DNM3: variants seen among roughly 807,000 people sequenced by gnomAD.
The protein encoded by DNM3 is dynamin 3.
Under a neutral mutation model 101.6 loss-of-function variants are expected in DNM3, and 47 were observed. The ratio of observed to expected loss-of-function variants is 0.46; its 90% CI spans 0.37 to 0.59. The LOEUF (loss-of-function observed/expected upper bound fraction) is 0.59. Among genes scored for constraint, DNM3 ranks in the 20% least tolerant of loss-of-function variants. The pLI, the probability that DNM3 is intolerant of heterozygous loss-of-function variation, is 0.00. For missense variants in DNM3, 849 were observed against 1,085.7 expected (o/e 0.78, Z 3.06); for synonymous variants, 385 against 387.9 (o/e 0.99, Z 0.09).
At chr1:172,405,409 G>A (rs975470152) in intron 20 of DNM3, among the ~76,000 whole-genome samples, 6 of 151,950 alleles carry the variant, frequency 3.9e-5, no homozygotes, top group Admixed American at 6.6e-5. Context: ...GAAGGCAGAG[G>A]AAGTCAGGAA....
chr1:172,372,738 C>T (rs1008774167), intron 17 of DNM3, among the ~76,000 whole-genome samples: 2 of 125,034 alleles, frequency 1.6e-5, no homozygotes, highest in African/African-American at 3.1e-5. Context: ...GGCTGAAGTG[C>T]AGTGGTGTGA....
chr1:172,020,068 G>C (rs1256551706), intron 4 of DNM3, among the ~76,000 whole-genome samples: 1 of 152,036 alleles, frequency 6.6e-6, no homozygotes, highest in Non-Finnish European at 1.5e-5. Context: ...GGCAGACTGG[G>C]TGCTATATGA....
At chr1:172,327,726 A>G (rs2065996666) in intron 17 of DNM3, among the ~76,000 whole-genome samples, 1 of 152,106 alleles carries the variant, frequency 6.6e-6, no homozygotes, top group Non-Finnish European at 1.5e-5. Context: ...TCTAAGGAAC[A>G]CCGTCCCCCA....
chr1:171,914,992 G>A (rs931826306), intron 1 of DNM3, among the ~76,000 whole-genome samples: 2 of 152,098 alleles, frequency 1.3e-5, no homozygotes, highest in African/African-American at 4.8e-5. Context: ...TAGGGGGATA[G>A]GGATGTGCCT....
intron 17 of DNM3, among the ~76,000 whole-genome samples, chr1:172,333,370 G>A (rs1032356588): frequency 6.6e-6 from 1 of 152,188 alleles, no homozygotes; most frequent in Admixed American, 6.5e-5. Flanking sequence ...GTGAGCATAT[G>A]CCTAGACCCA....
At chr1:172,018,321 G>A (rs145205916) in intron 4 of DNM3, among the ~76,000 whole-genome samples, 1 of 152,008 alleles carries the variant, frequency 6.6e-6, no homozygotes, top group African/African-American at 2.4e-5. Context: ...CTTTAGTTGA[G>A]CATTTTATGT....
chr1:172,144,178 C>A lies in DNM3; in HGVS notation c.1659+12890C>A, dbSNP rs549099898. ...TTAAGAAAACACTTGAATTATCAAT[C>A]TTCAGAAATAAAAAAAAAAAAAACA... On this transcript the variant is annotated intron_variant, in intron 14 of 20. Transcript: ENST00000627582. 2.2e-3 allele frequency among the ~76,000 whole-genome samples: 311 copies of A among 143,266 alleles called. 2 individuals are homozygous for A. The highest frequency in any genetic ancestry group is 7.4e-3 in the African/African-American group (301 of 40,432). 94.0% of individuals were successfully genotyped at this position (143,266 alleles called of 152,430 possible).
At chr1:171,946,182 C>T (rs1249371302) in intron 2 of DNM3, among the ~76,000 whole-genome samples, 2 of 152,134 alleles carry the variant, frequency 1.3e-5, no homozygotes, top group Non-Finnish European at 2.9e-5. Context: ...GTTGGGGAGG[C>T]AAAACTTTTT....
intron 2 of DNM3, among the ~76,000 whole-genome samples, chr1:171,953,979 T>C (rs1463835216): frequency 6.6e-6 from 1 of 152,178 alleles, no homozygotes; most frequent in Non-Finnish European, 1.5e-5. Flanking sequence ...GTAAAGCTGT[T>C]AAAGCATGAC....
intron 15 of DNM3, among the ~76,000 whole-genome samples, chr1:172,261,396 G>T (rs1198061590): frequency 6.6e-6 from 1 of 152,186 alleles, no homozygotes; most frequent in Non-Finnish European, 1.5e-5. Context: ...CAGCATCAGT[G>T]GTGTCTGAGA....
intron 2 of DNM3, among the ~76,000 whole-genome samples, chr1:171,962,516 C>T (rs1435640488): frequency 2.0e-5 from 3 of 152,110 alleles, no homozygotes; most frequent in African/African-American, 4.8e-5. Flanking sequence ...AAACAACAGA[C>T]ATTTATTTCT....
chr1:171,968,019 C>T (rs1189532264), intron 2 of DNM3, among the ~76,000 whole-genome samples: 3 of 152,158 alleles, frequency 2.0e-5, no homozygotes, highest in African/African-American at 7.2e-5. Context: ...AGCAAACCTT[C>T]AGTGGGCACA....
rs116737137 is a variant in DNM3, at chr1:172,071,142, G to T, written c.1422+2237G>T. On this transcript the variant is annotated intron_variant, in intron 11 of 20. Transcript: ENST00000627582. ...ATATCTTAGTTCTTAATTAATTTTA[G>T]TTGTTTTTGTTGTTATTCCCAAAGA... Among the ~76,000 whole-genome samples, 505 of 119,324 alleles carry T rather than the reference G, an allele frequency of 4.2e-3. 5 individuals carry two copies. Among genetic ancestry groups the T allele is most frequent in the African/African-American group, 0.016 (469 of 29,210 alleles). 78.3% of individuals were successfully genotyped at this position (119,324 alleles called of 152,430 possible).
chr1:172,127,347 G>A (rs573471851), intron 13 of DNM3, among the ~76,000 whole-genome samples: 2 of 150,940 alleles, frequency 1.3e-5, no homozygotes, highest in Admixed American at 6.6e-5. Flanking sequence ...CTTTGTCCTT[G>A]TATCCTCTTT....
In DNM3 at chr1:172,378,990, A is replaced by G. The variant is rs1268487864; in HGVS notation, c.1894-28A>G. The G allele has an allele frequency of 2.5e-6, 4 of 1,600,916 alleles. No individual in the cohort carries two copies. In the Admixed American group the frequency reaches 6.9e-5, roughly 28 times the overall value. On this transcript the variant is annotated intron_variant, in intron 17 of 20. Transcript: ENST00000627582. The stretch of plus-strand genomic sequence containing the variant: ...TTTTCTTCTGAGTGAATATGAGATA[A>G]TCCATGGTTTGTTTTCTCTTCTTTT...
At chr1:171,999,452 C>A (rs1475336298) in intron 4 of DNM3, among the ~76,000 whole-genome samples, 2 of 152,078 alleles carry the variant, frequency 1.3e-5, no homozygotes, top group East Asian at 3.9e-4. Flanking sequence ...TATGTAAAAT[C>A]TGAGATGCTC....
intron 4 of DNM3, among the ~76,000 whole-genome samples, chr1:172,021,669 C>T (rs963693952): frequency 6.6e-6 from 1 of 152,074 alleles, no homozygotes; most frequent in Admixed American, 6.6e-5. Context: ...AGTCTGATCC[C>T]TGAGTCAGTG....
intron 4 of DNM3, among the ~76,000 whole-genome samples, chr1:172,019,023 CCCTCCCTT>C (rs1489062220): frequency 1.4e-5 from 1 of 71,970 alleles, no homozygotes; most frequent in East Asian, 8.2e-4. Context: ...CTCCCTTCCT[CCCTCCCTT>C]CCTCCCTCCC....
chr1:172,104,461 C>A (rs1047594486), intron 13 of DNM3, among the ~76,000 whole-genome samples: 2 of 152,022 alleles, frequency 1.3e-5, no homozygotes, highest in Admixed American at 6.6e-5. Context: ...CCACTAGTAT[C>A]TTCTGTTTAG....
Sources: gnomAD v4.1 joint callset for allele counts (sites outside exome capture counted in the v4.1 genomes callset) on GRCh38, gnomAD v4.1.1 for gene constraint, MANE v1.5 for transcripts, NCBI Gene and HGNC (gene_info 2026-07-23, HGNC 2026-07-21) for gene names.